The following TTLL1 variants were observed in gnomAD, a reference collection of about 807,000 sequenced individuals.
TTLL1 encodes TTL family tubulin polyglutamylase complex subunit L1, also known as polyglutamylase complex subunit TTLL1.
Under a neutral mutation model 47.8 loss-of-function variants are expected in TTLL1, and 33 were observed. The observed-to-expected ratio is 0.69, with a 90% confidence interval of 0.52 to 0.92. TTLL1 has a LOEUF of 0.92. Among genes scored for constraint, TTLL1 ranks in the 40% least tolerant of loss-of-function variants. The pLI, the probability that TTLL1 is intolerant of heterozygous loss-of-function variation, is 0.00. For missense variants in TTLL1, 488 were observed against 547.5 expected (o/e 0.89, Z 1.08); for synonymous variants, 225 against 214.1 (o/e 1.05, Z -0.45).
intron 1 of TTLL1, among the ~76,000 whole-genome samples, chr22:43,082,669 T>C (rs554615186): frequency 1.7e-4 from 25 of 149,816 alleles, no homozygotes; most frequent in African/African-American, 5.4e-4. Context: ...TGGGCCAAGA[T>C]TGTACCACTG....
intron 10 of TTLL1, among the ~76,000 whole-genome samples, chr22:43,041,010 G>C (rs1480937131): frequency 2.0e-5 from 3 of 152,150 alleles, no homozygotes; most frequent in African/African-American, 4.8e-5. Flanking sequence ...GAGCAGGCTG[G>C]GGGAATGGGG....
chr22:43,084,756 C>T (rs571839465), intron 1 of TTLL1, among the ~76,000 whole-genome samples: 1 of 152,138 alleles, frequency 6.6e-6, no homozygotes, highest in South Asian at 2.1e-4. Flanking sequence ...CCGCCTCAGC[C>T]TCCCAAAGTG....
chr22:43,080,884 G>C (rs1368701175), intron 1 of TTLL1, among the ~76,000 whole-genome samples: 1 of 122,320 alleles, frequency 8.2e-6, no homozygotes, highest in Non-Finnish European at 1.7e-5. Flanking sequence ...TGAGTCACCT[G>C]TTCCCAGTGT....
rs1008007653 is a variant in TTLL1 at position 43,088,955 on chromosome 22, A to G, written c.-90+322T>C. On this transcript the variant is annotated intron_variant, in intron 1 of 10. Coordinates refer to ENST00000266254, the MANE Select transcript of TTLL1 (RefSeq NM_012263.5). ...ACATTGCGCCCTGCAAAAGATGCCA[A>G]CAGAAACAACACAGATTGCAAACGA... Among the ~76,000 whole-genome samples the G allele has an allele frequency of 5.3e-5, 8 of 152,306 alleles. No homozygotes were observed. In the East Asian group the frequency reaches 1.5e-3, roughly 29 times the overall value.
intron 8 of TTLL1, among the ~76,000 whole-genome samples, chr22:43,055,113 T>A (rs1321990578): frequency 1.3e-5 from 2 of 151,084 alleles, no homozygotes; most frequent in Non-Finnish European, 2.9e-5. Context: ...AACCTCTACC[T>A]CCCGGGTTCA....
chr22:43,073,951 T>A (rs6003036), intron 3 of TTLL1, among the ~76,000 whole-genome samples: 59,355 of 151,206 alleles, frequency 0.39, 13,628 homozygotes, highest in East Asian at 0.79. Flanking sequence ...TCTCCCGAGT[T>A]CCTGGGATTA....
intron 7 of TTLL1, among the ~76,000 whole-genome samples, chr22:43,060,073 A>C (rs1038691613): frequency 4.6e-5 from 7 of 152,072 alleles, no homozygotes; most frequent in African/African-American, 1.7e-4. Flanking sequence ...CCCAGGCTGG[A>C]GTGCAATGGC....
At chr22:43,079,701 G>A (rs1328979902) in intron 2 of TTLL1, among the ~76,000 whole-genome samples, 1 of 152,198 alleles carries the variant, frequency 6.6e-6, no homozygotes, top group Non-Finnish European at 1.5e-5. Context: ...CTCACACAGT[G>A]CTTCCCCAGG....
chr22:43,052,612 G>A (rs1299868615), intron 8 of TTLL1, among the ~76,000 whole-genome samples: 1 of 152,120 alleles, frequency 6.6e-6, no homozygotes, highest in African/African-American at 2.4e-5. Flanking sequence ...GTGGTGGTAT[G>A]TGCCATTAGT....
chr22:43,069,667 T>C lies in TTLL1; in HGVS notation c.291A>G (p.Glu97=), dbSNP rs147258150. ...ELEKEGSPLA[E]KDENGKYLYL... The stretch of plus-strand genomic sequence containing the variant: ...AGAGGTATTTTCCATTTTCATCTTT[T>C]TCTGCCAGAGGACTCCCTTCTTTCT... The change falls in exon 4 of 11, where the codon GAA becomes GAG. Residue 97 remains glutamate, a synonymous_variant. Coordinates refer to ENST00000266254, the MANE Select transcript of TTLL1 (RefSeq NM_012263.5). 5.9e-4 allele frequency: 945 copies of C among 1,614,132 alleles called. 2 individuals are homozygous for C. Among genetic ancestry groups the C allele is most frequent in the Admixed American group, 7.2e-4 (43 of 60,000 alleles).
chr22:43,088,107 G>A lies in TTLL1; in HGVS notation c.-90+1170C>T, dbSNP rs866775549. Among the ~76,000 whole-genome samples the A allele has an allele frequency of 1.2e-4, 18 of 149,720 alleles. 1 individual carries two copies. The highest frequency in any genetic ancestry group is 3.7e-4 in the African/African-American group (15 of 40,792). ...AGGTTGCAGTGAGCCGAGAGCGACC[G>A]CACTCCAGCCTGGGCAACAAAGCAA... On this transcript the variant is annotated intron_variant, in intron 1 of 10. Coordinates refer to ENST00000266254, the MANE Select transcript of TTLL1 (RefSeq NM_012263.5).
At chr22:43,087,629 G>A (rs1929312700) in intron 1 of TTLL1, among the ~76,000 whole-genome samples, 1 of 151,670 alleles carries the variant, frequency 6.6e-6, no homozygotes, top group Non-Finnish European at 1.5e-5. Flanking sequence ...CCTGAGGTCA[G>A]GAATTCAAAA....
At chr22:43,073,325 C>CTATTTATT (rs72103212) in intron 3 of TTLL1, among the ~76,000 whole-genome samples, 152 of 142,712 alleles carry the variant, frequency 1.1e-3, no homozygotes, top group African/African-American at 2.1e-3. Context: ...TGCGCCCGGT[C>CTATTTATT]TATTTATTTA....
intron 1 of TTLL1, among the ~76,000 whole-genome samples, chr22:43,080,925 T>G (rs1928841857): frequency 1.1e-5 from 1 of 95,118 alleles, no homozygotes; most frequent in African/African-American, 4.1e-5. Context: ...TTTTTTTTTT[T>G]TTTTTTTTTT....
intron 8 of TTLL1, among the ~76,000 whole-genome samples, chr22:43,057,200 C>T (rs552252816): frequency 2.0e-5 from 3 of 149,870 alleles, no homozygotes; most frequent in African/African-American, 4.9e-5. Context: ...AACCAGGGAT[C>T]GGAGGCTGCA....
At chr22:43,061,317 C>T (rs960356641) in intron 7 of TTLL1, among the ~76,000 whole-genome samples, 9 of 152,310 alleles carry the variant, frequency 5.9e-5, no homozygotes, top group East Asian at 3.9e-4. Flanking sequence ...AGCCACTTGG[C>T]CCCGGTAAGC....
At chr22:43,086,578 C>T (rs537756394) in intron 1 of TTLL1, among the ~76,000 whole-genome samples, 2 of 152,258 alleles carry the variant, frequency 1.3e-5, no homozygotes, top group South Asian at 2.1e-4. Flanking sequence ...CAGATGGGGG[C>T]GAGGAGCACA....
chr22:43,063,928 G>C lies in TTLL1; in HGVS notation c.639-7C>G, dbSNP rs761224027. 1.2e-6 allele frequency: 2 copies of C among 1,612,822 alleles called. No individual in the cohort carries two copies. Among genetic ancestry groups the C allele is most frequent in the African/African-American group, 2.7e-5 (2 of 74,870 alleles). ...GCAAAACCCAAGCTTGTACCTAGGA[G>C]GGAATGTAGATTAATTCAAACTCTG... is the stretch of plus-strand genomic sequence containing the variant. On this transcript the variant is annotated splice_region_variant and splice_polypyrimidine_tract_variant and intron_variant, in intron 6 of 10. Transcript: ENST00000266254.
At chr22:43,053,135 C>T (rs1926758897) in intron 8 of TTLL1, among the ~76,000 whole-genome samples, 1 of 152,180 alleles carries the variant, frequency 6.6e-6, no homozygotes, top group Admixed American at 6.6e-5. Flanking sequence ...CCTGGGCCCT[C>T]CCCAGCCTGC....
Sources: allele counts gnomAD v4.1 joint callset (sites outside exome capture counted in the v4.1 genomes callset), GRCh38; gene constraint gnomAD v4.1.1; transcripts MANE v1.5; gene names NCBI Gene and HGNC (gene_info 2026-07-23, HGNC 2026-07-21).